Variants in EYA3 observed in about 807,000 individuals in gnomAD.
The protein encoded by EYA3 is EYA transcriptional coactivator and phosphatase 3.
Under a neutral mutation model 80.0 loss-of-function variants are expected in EYA3, and 39 were observed. The observed-to-expected ratio is 0.49, with a 90% CI of 0.38 to 0.64. The LOEUF is 0.64. Ranked by LOEUF, EYA3 falls within the 30% of genes least tolerant of loss-of-function variation. EYA3 has a pLI of 0.00. For missense variants in EYA3, 523 were observed against 676.1 expected, an observed-to-expected ratio of 0.77 and a Z score of 2.51; for synonymous variants, 206 against 232.8, an observed-to-expected ratio of 0.88 and a Z score of 1.05.
At chr1:28,078,826 C>T (rs1305907310) in intron 1 of EYA3, among the ~76,000 whole-genome samples, 1 of 152,236 alleles carries the variant, frequency 6.6e-6, no homozygotes, top group African/African-American at 2.4e-5. Flanking sequence ...CAATGCTATA[C>T]ACATAGTAAG....
chr1:28,064,164 G>A (rs1477798662), intron 1 of EYA3, among the ~76,000 whole-genome samples: 1 of 151,966 alleles, frequency 6.6e-6, no homozygotes, highest in Non-Finnish European at 1.5e-5. Context: ...TTTATTTTTA[G>A]TTATACATTT....
intron 1 of EYA3, among the ~76,000 whole-genome samples, chr1:28,075,128 A>G (rs1170033228): frequency 2.0e-5 from 3 of 152,180 alleles, no homozygotes; most frequent in Non-Finnish European, 2.9e-5. Context: ...TTGCTTGCAC[A>G]AAGTCTAGAG....
chr1:28,064,907 G>A (rs1644774701), intron 1 of EYA3, among the ~76,000 whole-genome samples: 2 of 152,204 alleles, frequency 1.3e-5, no homozygotes, highest in Admixed American at 1.3e-4. Flanking sequence ...TAAACAATTT[G>A]TCCAAGAGTA....
At chr1:28,025,962 T>C (rs569728964) in intron 7 of EYA3, among the ~76,000 whole-genome samples, 2 of 152,230 alleles carry the variant, frequency 1.3e-5, no homozygotes, top group East Asian at 3.9e-4. Context: ...TTTCTCCATG[T>C]TGGTCAGGCT....
At chr1:28,064,606 A>C (rs1175907578) in intron 1 of EYA3, among the ~76,000 whole-genome samples, 1 of 152,064 alleles carries the variant, frequency 6.6e-6, no homozygotes, top group Non-Finnish European at 1.5e-5. Flanking sequence ...AGATAAGAGA[A>C]CTATCATTTA....
At position 27,989,270 on chromosome 1, in the gene EYA3, T is replaced by A. The variant is rs1255207099; in HGVS notation, c.1418+427A>T. On this transcript the variant is annotated intron_variant, in intron 15 of 17. Transcript: ENST00000373871. ...TTTATTTCCCAGTCTAAGCTTCACG[T>A]TGAAATCTCCTTAATCTGCTTAATG... is the stretch of plus-strand genomic sequence containing the variant. 4.6e-5 allele frequency among the ~76,000 whole-genome samples: 7 copies of A among 152,186 alleles called. 1 individual carries two copies. The highest frequency in any genetic ancestry group is 4.6e-4 in the Admixed American group (7 of 15,278).
At chr1:27,977,428 TC>T in intron 17 of EYA3, 1 of 1,534,670 alleles carries the variant, frequency 6.5e-7, no homozygotes, top group African/African-American at 1.4e-5. Context: ...GGAAAGAACT[TC>T]TACAGATCCA....
In EYA3 at chr1:27,998,161, A is replaced by G. The variant is rs150397239; in HGVS notation, c.1084-783T>C. On this transcript the variant is annotated intron_variant, in intron 12 of 17. Transcript: ENST00000373871. ...CTCTGGGGAAGTTTTTTAAAAATGC[A>G]TATTCTTGGGTCCATCCCAGACCTA... 1,042 of 232,286 alleles carry G rather than the reference A, an allele frequency of 4.5e-3. 5 individuals are homozygous for G. The highest frequency in any genetic ancestry group is 6.6e-3 in the Admixed American group (101 of 15,394). 14.4% of individuals were successfully genotyped at this position (232,286 alleles called of 1,614,324 possible). A position where few individuals can be genotyped will look rare whatever the true frequency, so the allele number is the denominator to read the frequency against.
At chr1:28,064,389 T>C (rs1644755229) in intron 1 of EYA3, among the ~76,000 whole-genome samples, 1 of 146,968 alleles carries the variant, frequency 6.8e-6, no homozygotes. Flanking sequence ...TATATATATA[T>C]ATATAAATAT....
chr1:28,012,677 C>A (rs1034700183), intron 9 of EYA3, among the ~76,000 whole-genome samples: 2 of 152,158 alleles, frequency 1.3e-5, no homozygotes, highest in Non-Finnish European at 2.9e-5. Context: ...GTATATATTT[C>A]TCTGAGGGAA....
At chr1:28,073,027 T>C (rs1305762075) in intron 1 of EYA3, among the ~76,000 whole-genome samples, 1 of 144,264 alleles carries the variant, frequency 6.9e-6, no homozygotes, top group Non-Finnish European at 1.5e-5. Context: ...AGATTAGTGG[T>C]TGCCAGTGTT....
In EYA3 at chr1:27,971,858, T is replaced by C. The variant is rs1457506938; in HGVS notation, c.*2608A>G. 6.6e-6 allele frequency: 1 copy of C among 152,160 alleles called. No homozygotes were observed. The highest frequency in any genetic ancestry group is 2.4e-5 in the African/African-American group (1 of 41,440). The allele number at this position is 152,160 out of a possible 1,614,324, so 9.4% of individuals were successfully genotyped here. A position where few individuals can be genotyped will look rare whatever the true frequency, so the allele number is the denominator to read the frequency against. On this transcript the variant is annotated 3_prime_UTR_variant, in exon 18 of 18. Transcript: ENST00000373871. ...CACTGTGTTCCCTGGACAATTCATTTTGGCAAACAGCCAAGAAGCTCCTGT... is the reference window on the plus strand; with the variant it reads ...CACTGTGTTCCCTGGACAATTCATTCTGGCAAACAGCCAAGAAGCTCCTGT...
At chr1:28,077,724 T>A (rs1027720904) in intron 1 of EYA3, among the ~76,000 whole-genome samples, 3 of 152,204 alleles carry the variant, frequency 2.0e-5, no homozygotes, top group African/African-American at 4.8e-5. Context: ...ACTCAAAGAC[T>A]CTAAAACTTT....
chr1:28,032,151 G>C (rs527781676), intron 6 of EYA3: 1 of 151,746 alleles, frequency 6.6e-6, no homozygotes, highest in East Asian at 1.9e-4. Flanking sequence ...CAAGTAGCTG[G>C]AACTACAGGC....
At chr1:27,981,794 C>T (rs1571703574) in intron 16 of EYA3, among the ~76,000 whole-genome samples, 1 of 151,124 alleles carries the variant, frequency 6.6e-6, no homozygotes, top group South Asian at 2.1e-4. Context: ...AAAATGCCTA[C>T]CACCAACGAA....
At chr1:28,051,217 T>C (rs1028220959) in intron 2 of EYA3, among the ~76,000 whole-genome samples, 1 of 152,298 alleles carries the variant, frequency 6.6e-6, no homozygotes, top group Admixed American at 6.5e-5. Context: ...CATAATTTTG[T>C]ATACAGAAAT....
chr1:28,088,477 T>G (rs917234981), intron 1 of EYA3, 47 bp downstream of exon 1: 2 of 153,272 alleles, frequency 1.3e-5, no homozygotes, highest in African/African-American at 4.8e-5. Context: ...CCCTTCACGC[T>G]GTGCTCGCCC....
chr1:28,059,174 T>C (rs111920266), intron 1 of EYA3, among the ~76,000 whole-genome samples: 445 of 152,334 alleles, frequency 2.9e-3, no homozygotes, highest in African/African-American at 9.9e-3. Flanking sequence ...AACTTTATTT[T>C]AGAGCCACAC....
chr1:28,082,816 T>C (rs909403911), intron 1 of EYA3, among the ~76,000 whole-genome samples: 1 of 152,212 alleles, frequency 6.6e-6, no homozygotes, highest in African/African-American at 2.4e-5. Context: ...TAGTGACTTA[T>C]CTCCAAGTAA....
Sources: gnomAD v4.1 joint callset for allele counts (sites outside exome capture counted in the v4.1 genomes callset) on GRCh38, gnomAD v4.1.1 for gene constraint, MANE v1.5 for transcripts, NCBI Gene and HGNC (gene_info 2026-07-23, HGNC 2026-07-21) for gene names.